DST: variants seen among roughly 807,000 people sequenced by gnomAD.
DST encodes the protein bullous pemphigoid antigen.
A neutral mutation model predicts 875.2 loss-of-function variants in DST; 253 were observed. The observed-to-expected ratio is 0.29, with a 90% CI of 0.26 to 0.32. DST has a LOEUF of 0.32. Ranked by LOEUF, DST falls within the 10% of genes least tolerant of loss-of-function variation. The probability of loss-of-function intolerance (pLI) is 1.00; values close to 1 mark genes in which losing one functional copy is unlikely to be tolerated. For missense variants in DST, 8,287 were observed against 9,111.6 expected (o/e 0.91, Z 3.68); for synonymous variants, 3,124 against 3,197.1 (o/e 0.98, Z 0.77).
chr6:56,798,757 C>T (rs2099743361), intron 4 of DST, among the ~76,000 whole-genome samples: 1 of 152,008 alleles, frequency 6.6e-6, no homozygotes, highest in African/African-American at 2.4e-5. Context: ...AAAAAATTCA[C>T]CAAAAAATTC....
rs180677683 is a variant in DST, at chr6:56,683,187, G to T, written c.1048-12380C>A. Among the ~76,000 whole-genome samples the T allele has an allele frequency of 1.9e-4, 29 of 152,300 alleles. No homozygotes were observed. The East Asian group carries it at 4.8e-3, about 25-fold the overall frequency. On this transcript the variant is annotated intron_variant, in intron 9 of 103. Coordinates refer to ENST00000680361, the MANE Select transcript of DST (RefSeq NM_001374736.1). ...TTTTCTCTCTTCCCACTATCAACTT[G>T]AGTCAAGGCAACTATTATCTCTAGT...
Position 56,841,190 on chromosome 6 carries a change from G to A in DST, c.625+10207C>T, listed in dbSNP as rs915946642. ...GAAGTCATCATACTGGATACTGATG[G>A]GAAATCATAACTGGCTTCAAAACAC... On this transcript the variant is annotated intron_variant, in intron 4 of 103. Transcript: ENST00000680361. Among the ~76,000 whole-genome samples the A allele has an allele frequency of 1.1e-4, 16 of 152,234 alleles. 1 individual carries two copies. The South Asian group carries it at 3.3e-3, about 32-fold the overall frequency.
chr6:56,677,643 T>C (rs1207550399), intron 9 of DST, among the ~76,000 whole-genome samples: 1 of 152,196 alleles, frequency 6.6e-6, no homozygotes, highest in East Asian at 1.9e-4. Context: ...GTAGTATTGC[T>C]TCCTAAAGCT....
At chr6:56,462,380 G>C (rs1315351209) in intron 102 of DST, among the ~76,000 whole-genome samples, 1 of 151,956 alleles carries the variant, frequency 6.6e-6, no homozygotes, top group African/African-American at 2.4e-5. Flanking sequence ...GTATTAAAAA[G>C]TTAGAGCATG....
At position 56,508,774 on chromosome 6, in the gene DST, T is replaced by C; in HGVS notation, c.19013-19A>G. On this transcript the variant is annotated intron_variant, in intron 74 of 103. Coordinates refer to ENST00000680361, the MANE Select transcript of DST (RefSeq NM_001374736.1). ...TGAACAGCTATGAAGCAAAACAATA[T>C]CCACAAGGCGACTGGTTAGCCCCAC... The C allele has an allele frequency of 6.3e-7, 1 of 1,586,300 alleles. No homozygotes were observed. The highest frequency in any genetic ancestry group is 1.3e-5 in the African/African-American group (1 of 74,380).
rs1358959373 is a variant in DST, at chr6:56,842,464, C to T, written c.625+8933G>A. Among the ~76,000 whole-genome samples the T allele has an allele frequency of 2.0e-5, 3 of 152,046 alleles. No individual in the cohort carries two copies. In the East Asian group the frequency reaches 5.8e-4, roughly 29 times the overall value. On this transcript the variant is annotated intron_variant, in intron 4 of 103. Coordinates refer to ENST00000680361, the MANE Select transcript of DST (RefSeq NM_001374736.1). ...TCAGATTGGCATAGAATTTCCTGAA[C>T]ATAAAGGATGGGCAGAAAAAAATCT...
intron 78 of DST, 44 bp from the exon 79 acceptor site, chr6:56,501,737 C>T (rs1466412167): frequency 7.2e-7 from 1 of 1,390,446 alleles, no homozygotes; most frequent in Non-Finnish European, 9.8e-7. Flanking sequence ...TTAAAAATCA[C>T]TAACTCCAAA....
rs138566819 is a variant in DST at position 56,753,329 on chromosome 6, G to A, written c.626-18040C>T. ...AAAACAGTGAACAGAACATTCAAAT[G>A]GCTGCATATAAGCATTTTCCTCTCA... On this transcript the variant is annotated intron_variant, in intron 4 of 103. Transcript: ENST00000680361. 5.4e-3 allele frequency among the ~76,000 whole-genome samples: 823 copies of A among 152,246 alleles called. 6 individuals carry two copies. The highest frequency in any genetic ancestry group is 0.019 in the African/African-American group (780 of 41,548).
intron 5 of DST, among the ~76,000 whole-genome samples, chr6:56,725,587 G>A (rs1265779915): frequency 6.6e-6 from 1 of 152,180 alleles, no homozygotes; most frequent in Non-Finnish European, 1.5e-5. Flanking sequence ...AAGAAAAGGA[G>A]TTAGGTAGTT....
At chr6:56,843,247 G>A in intron 4 of DST, 2 of 1,306,790 alleles carry the variant, frequency 1.5e-6, no homozygotes, top group Admixed American at 2.7e-5. Flanking sequence ...AACTGGAAAA[G>A]AGGAAGGAGC....
chr6:56,844,899 C>T (rs2127562516), intron 4 of DST, among the ~76,000 whole-genome samples: 1 of 150,234 alleles, frequency 6.7e-6, no homozygotes, highest in East Asian at 1.9e-4. Flanking sequence ...TGAAGTCAGG[C>T]TGCTGTACAT....
chr6:56,849,478 C>T (rs372848845), intron 4 of DST, among the ~76,000 whole-genome samples: 1 of 152,144 alleles, frequency 6.6e-6, no homozygotes, highest in East Asian at 1.9e-4. Context: ...CAGTGCATCA[C>T]CTGCCACCAA....
At chr6:56,736,847 G>A (rs2099526601) in intron 4 of DST, among the ~76,000 whole-genome samples, 1 of 152,114 alleles carries the variant, frequency 6.6e-6, no homozygotes, top group African/African-American at 2.4e-5. Context: ...ACATAAGCAG[G>A]CAAAAACAGA....
intron 4 of DST, among the ~76,000 whole-genome samples, chr6:56,760,909 T>C (rs571121248): frequency 6.6e-6 from 1 of 152,338 alleles, no homozygotes; most frequent in African/African-American, 2.4e-5. Context: ...ATGTGGTGGT[T>C]TTAAAACATG....
intron 61 of DST, among the ~76,000 whole-genome samples, chr6:56,546,126 A>C (rs184576752): frequency 2.4e-4 from 37 of 151,852 alleles, no homozygotes; most frequent in Admixed American, 9.8e-4. Flanking sequence ...ATTTAGAAAC[A>C]AGAGATTCAC....
intron 2 of DST, among the ~76,000 whole-genome samples, chr6:56,921,909 A>G (rs574165740): frequency 5.3e-5 from 8 of 152,226 alleles, no homozygotes; most frequent in Non-Finnish European, 1.2e-4. Context: ...CTAACATGAA[A>G]AAAGGTTCTA....
Position 56,606,901 on chromosome 6 carries a change from CAAGT to C in DST, c.7723_7726del (p.Thr2575ValfsTer20). 2.5e-6 allele frequency: 4 copies of C among 1,613,444 alleles called. No homozygotes were observed. The South Asian group carries it at 3.3e-5, about 13-fold the overall frequency. On this transcript the variant is annotated frameshift_variant, in exon 40 of 104. Coordinates refer to ENST00000680361, the MANE Select transcript of DST (RefSeq NM_001374736.1). LOFTEE classifies it high-confidence loss of function. The stretch of plus-strand genomic sequence containing the variant: ...GGTTTCATCAAGCAATGGTGTAGCA[CAAGT>C]AAGAGACACAATGGCATTATCAGTA...
intron 15 of DST, chr6:56,642,998 C>T (rs148108955): frequency 6.5e-6 from 8 of 1,233,722 alleles, no homozygotes; most frequent in Middle Eastern, 2.9e-4. Context: ...TAAAGCCATT[C>T]GTTTGCTAGC....
At chr6:56,914,551 G>A (rs1255568951) in intron 2 of DST, among the ~76,000 whole-genome samples, 1 of 152,224 alleles carries the variant, frequency 6.6e-6, no homozygotes, top group Non-Finnish European at 1.5e-5. Context: ...TAATTCCTCC[G>A]TGGCCCAATC....
Sources: gnomAD v4.1 joint callset for allele counts (sites outside exome capture counted in the v4.1 genomes callset) on GRCh38, gnomAD v4.1.1 for gene constraint, MANE v1.5 for transcripts, NCBI Gene and HGNC (gene_info 2026-07-23, HGNC 2026-07-21) for gene names.